The following ATP2B3 variants were observed in gnomAD, a reference collection of about 807,000 sequenced individuals.
ATP2B3 encodes the protein plasma membrane calcium-transporting ATPase 3.
In ATP2B3, 12 loss-of-function variants were observed where a neutral mutation model predicts 70.8. The ratio of observed to expected loss-of-function variants is 0.17; its 90% confidence interval spans 0.11 to 0.27. ATP2B3 has a LOEUF of 0.27. ATP2B3 is among the 10% of genes least tolerant of loss of function. The pLI is 1.00. For synonymous variants in ATP2B3, 460 were observed against 497.8 expected (o/e 0.92, Z 1.01); for missense variants, 858 against 1,118.5 (o/e 0.77, Z 3.32).
chrX:153,560,734 A>G lies in ATP2B3; in HGVS notation c.2898A>G (p.Ser966=). Residue 966 remains serine, a synonymous_variant, in exon 19 of 22, where the codon TCA becomes TCG. Transcript: ENST00000263519. ...GRNAPLHSPP[S]EHYTIIFNTF... is the part of the protein sequence containing the mutation. ...ATGCGCCCCTGCACTCGCCACCCTC[A>G]GAGCACTACACCATCATCTTCAACA... 1 of 1,211,959 alleles carries G rather than the reference A, an allele frequency of 8.3e-7. No individual in the cohort carries two copies. Among genetic ancestry groups the G allele is most frequent in the South Asian group, 1.8e-5 (1 of 56,995 alleles).
At chrX:153,561,057 G>C (rs2090617687) in intron 19 of ATP2B3, among the ~76,000 whole-genome samples, 170 bp downstream of exon 19, 1 of 111,754 alleles carries the variant, frequency 8.9e-6, no homozygotes, top group Admixed American at 9.4e-5. Flanking sequence ...ATGTCGGAGA[G>C]GGCCTTCTTC....
intron 2 of ATP2B3, among the ~76,000 whole-genome samples, chrX:153,526,223 G>T (rs1236424305): frequency 8.9e-6 from 1 of 112,357 alleles, no homozygotes; most frequent in Non-Finnish European, 1.9e-5. Flanking sequence ...GGGAGAGCAG[G>T]CATCTGTCCA....
chrX:153,566,355 C>T (rs1025832114), intron 21 of ATP2B3, among the ~76,000 whole-genome samples: 1 of 113,058 alleles, frequency 8.8e-6, no homozygotes, highest in Non-Finnish European at 1.9e-5. Flanking sequence ...GCCTGAGCCA[C>T]CAGCCCCAGC....
intron 21 of ATP2B3, among the ~76,000 whole-genome samples, chrX:153,565,345 C>G (rs1557017854): frequency 8.8e-6 from 1 of 113,428 alleles, no homozygotes; most frequent in Non-Finnish European, 1.9e-5. Flanking sequence ...CAGGCATCCC[C>G]TGTAGCTAAA....
At chrX:153,553,481 G>T (rs1183988377) in intron 13 of ATP2B3, among the ~76,000 whole-genome samples, 2 of 112,169 alleles carry the variant, frequency 1.8e-5, no homozygotes, top group East Asian at 5.6e-4. Flanking sequence ...TATGGGCCCA[G>T]CTCAGGCTCC....
intron 20 of ATP2B3, 26 bp from the exon 21 acceptor site, chrX:153,564,895 C>A (rs552099941): frequency 1.7e-6 from 2 of 1,151,160 alleles, no homozygotes; most frequent in Non-Finnish European, 2.3e-6. Flanking sequence ...CTGGCTCTCA[C>A]GGCCACTTCC....
chrX:153,544,041 C>A (rs1203739040), intron 7 of ATP2B3, among the ~76,000 whole-genome samples: 1 of 112,909 alleles, frequency 8.9e-6, no homozygotes, highest in Non-Finnish European at 1.9e-5. Flanking sequence ...AGCTGGATGA[C>A]CCTCTGTGGC....
At chrX:153,567,992 C>T (rs1242053756) in intron 21 of ATP2B3, among the ~76,000 whole-genome samples, 2 of 111,986 alleles carry the variant, frequency 1.8e-5, no homozygotes, top group African/African-American at 6.5e-5. Context: ...ATGCCCCAAG[C>T]CAAGAAAAAC....
Position 153,536,422 on chromosome X carries a change from C to T in ATP2B3, c.175C>T (p.Leu59Phe). Reference sequence around the variant, plus strand: ...GGAGGCCTACGGGGATGTCAGCGGGCTCTGCCGGAGGCTGAAGACCTCACC... The same window carrying T: ...GGAGGCCTACGGGGATGTCAGCGGGTTCTGCCGGAGGCTGAAGACCTCACC... Reference protein sequence around the residue: ...IEEAYGDVSGLCRRLKTSPTE... With the variant: ...IEEAYGDVSGFCRRLKTSPTE... Residue 59 changes from leucine to phenylalanine, a missense_variant, in exon 3 of 22, where the codon CTC becomes TTC. Physicochemically the swap from Leu to Phe is conservative, Grantham distance 22. This residue lies in a region of ATP2B3 where 278 missense variants were observed against 366.2 expected (regional missense o/e 0.76). Coordinates refer to ENST00000263519, the MANE Select transcript of ATP2B3 (RefSeq NM_001001344.3). 7 of 1,202,618 alleles carry T rather than the reference C, an allele frequency of 5.8e-6. No individual in the cohort carries two copies. Among genetic ancestry groups the T allele is most frequent in the Non-Finnish European group, 7.8e-6 (7 of 891,946 alleles).
At chrX:153,530,651 C>T (rs1251518819) in intron 2 of ATP2B3, among the ~76,000 whole-genome samples, 1 of 111,808 alleles carries the variant, frequency 8.9e-6, no homozygotes, top group Non-Finnish European at 1.9e-5. Context: ...GGCTGCCCTG[C>T]AGGGCAGAGC....
intron 13 of ATP2B3, among the ~76,000 whole-genome samples, chrX:153,555,133 G>GTA (rs782051034): frequency 4.8e-4 from 54 of 111,605 alleles, no homozygotes; most frequent in African/African-American, 1.7e-3. Flanking sequence ...CCACTTAGTG[G>GTA]TATATGCTGC....
In ATP2B3 at chrX:153,564,952, A is replaced by G. The variant is rs1557017584; in HGVS notation, c.3191A>G (p.Lys1064Arg). Residue 1064 changes from lysine (K) to arginine (R), a missense_variant, in exon 21 of 22, where the codon AAG becomes AGG. Lys to Arg is a conservative substitution (Grantham distance 26). This residue lies in a region of ATP2B3 where 265 missense variants were observed against 305.3 expected (regional missense o/e 0.87). Transcript: ENST00000263519. ...VIATIPTSQL[K>R]CLKEAGHGPG... ...GCCACCATCCCCACCAGCCAGCTCA[A>G]GTGCCTGAAGGAAGCCGGGCACGGG... 8.3e-7 allele frequency: 1 copy of G among 1,198,130 alleles called. No homozygotes were observed. Among genetic ancestry groups the G allele is most frequent in the Non-Finnish European group, 1.1e-6 (1 of 887,938 alleles).
intron 3 of ATP2B3, among the ~76,000 whole-genome samples, chrX:153,536,985 C>T (rs191023253): frequency 2.5e-4 from 28 of 112,242 alleles, no homozygotes; most frequent in Non-Finnish European, 4.1e-4. Context: ...AGCTGGGTCA[C>T]GGGAGGCCCA....
chrX:153,550,160 C>T lies in ATP2B3; in HGVS notation c.1697C>T (p.Pro566Leu), dbSNP rs1433263793. The change falls in exon 12 of 22, where the codon CCG becomes CTG. Residue 566 changes from proline (P) to leucine (L), a missense_variant. Coordinates refer to ENST00000263519, the MANE Select transcript of ATP2B3 (RefSeq NM_001001344.3). ...TTCCAGCCCGTGCGCGAGCAGATCC[C>T]GGAAGACAAGCTTTACAAAGTGTAC... ...RDFQPVREQI[P>L]EDKLYKVYTF... The T allele has an allele frequency of 4.1e-6, 5 of 1,212,415 alleles. No individual in the cohort carries two copies. The highest frequency in any genetic ancestry group is 5.6e-6 in the Non-Finnish European group (5 of 895,641).
At chrX:153,557,941 AT>A (rs72144731) in intron 16 of ATP2B3, among the ~76,000 whole-genome samples, 170 bp from the exon 17 acceptor site, 2,404 of 107,135 alleles carry the variant, frequency 0.022, 77 homozygotes, top group African/African-American at 0.077. Flanking sequence ...AATGTGTTGC[AT>A]TAAAAAAAAG....
At position 153,564,904 on chromosome X, in the gene ATP2B3, C is replaced by T; in HGVS notation, c.3160-17C>T. ...CTCAGCCTGGCTCTCACGGCCACTT[C>T]CGTGTGGCTCCCCCAGGTCATTGCC... On this transcript the variant is annotated splice_polypyrimidine_tract_variant and intron_variant, in intron 20 of 21. Coordinates refer to ENST00000263519, the MANE Select transcript of ATP2B3 (RefSeq NM_001001344.3). The T allele has an allele frequency of 4.3e-6, 5 of 1,167,124 alleles. No individual in the cohort carries two copies. The highest frequency in any genetic ancestry group is 5.7e-6 in the Non-Finnish European group (5 of 870,442).
chrX:153,548,072 C>T (rs1473032493), intron 9 of ATP2B3, 73 bp downstream of exon 9: 1 of 1,127,251 alleles, frequency 8.9e-7, no homozygotes, highest in African/African-American at 1.8e-5. Context: ...TGGAGATGAG[C>T]CCAGGCTGTG....
In ATP2B3 at chrX:153,565,044, C is replaced by T. The variant is rs1557017695; in HGVS notation, c.3283C>T (p.Arg1095Trp). The T allele has an allele frequency of 5.0e-6, 6 of 1,200,297 alleles. No homozygotes were observed. The South Asian group carries it at 5.4e-5, about 11-fold the overall frequency. ...EGEEEIDHAE[R>W]ELRRGQILWF... ...CGAGGAAGAGATCGACCATGCCGAG[C>T]GGGAGCTCCGCAGGGGCCAGATCCT... Residue 1095 changes from arginine to tryptophan, a missense_variant, in exon 21 of 22, where the codon CGG (arginine) becomes TGG (tryptophan). Around this residue, in one of 5 missense-constraint regions of ATP2B3, gnomAD observed 265 missense variants for 305.3 expected, o/e 0.87. Transcript: ENST00000263519.
At chrX:153,563,967 A>G (rs2090664196) in intron 20 of ATP2B3, among the ~76,000 whole-genome samples, 1 of 112,577 alleles carries the variant, frequency 8.9e-6, no homozygotes, top group African/African-American at 3.2e-5. Flanking sequence ...CCAGATGCCC[A>G]TCATCCCTTT....
Sources: allele counts gnomAD v4.1 joint callset (sites outside exome capture counted in the v4.1 genomes callset), GRCh38; gene constraint gnomAD v4.1.1; regional missense constraint gnomAD v4.1.1; transcripts MANE v1.5; gene names NCBI Gene and HGNC (gene_info 2026-07-23, HGNC 2026-07-21).